Variants in SND1 observed in about 807,000 individuals in gnomAD.
SND1 encodes staphylococcal nuclease and tudor domain containing 1.
A neutral mutation model predicts 121.7 loss-of-function variants in SND1; 38 were observed. That is an observed-to-expected ratio of 0.31 (90% CI 0.24 to 0.41). The LOEUF is 0.41. SND1 is among the 10% of genes least tolerant of loss of function. The pLI, the probability that SND1 is intolerant of heterozygous loss-of-function variation, is 1.00. For missense variants in SND1, 868 were observed against 1,184.6 expected (o/e 0.73, Z 3.92); for synonymous variants, 401 against 447.4 (o/e 0.90, Z 1.31).
intron 10 of SND1, among the ~76,000 whole-genome samples, chr7:127,753,615 C>T (rs1198258715): frequency 1.3e-5 from 2 of 152,048 alleles, no homozygotes; most frequent in African/African-American, 4.8e-5. Context: ...GTGTAGTGGA[C>T]CTTTCATTTC....
intron 10 of SND1, among the ~76,000 whole-genome samples, chr7:127,758,784 T>C (rs1046216038): frequency 2.1e-4 from 32 of 152,118 alleles, no homozygotes; most frequent in African/African-American, 7.2e-4. Flanking sequence ...CTAGGCACGG[T>C]GGCTCATGCC....
chr7:128,005,890 C>G (rs1802962136), intron 16 of SND1, among the ~76,000 whole-genome samples: 1 of 152,176 alleles, frequency 6.6e-6, no homozygotes, highest in African/African-American at 2.4e-5. Context: ...AAGTCCCCAC[C>G]CCCAGCCCCC....
intron 16 of SND1, among the ~76,000 whole-genome samples, chr7:128,034,167 C>T (rs1427074251): frequency 6.6e-6 from 1 of 152,122 alleles, no homozygotes; most frequent in African/African-American, 2.4e-5. Flanking sequence ...GTCTACTCTT[C>T]ATAGAGTAAA....
intron 9 of SND1, among the ~76,000 whole-genome samples, chr7:127,710,785 G>C (rs78031647): frequency 6.6e-6 from 1 of 152,114 alleles, no homozygotes; most frequent in Non-Finnish European, 1.5e-5. Context: ...CATGGAAGAG[G>C]AGGACTTAGT....
chr7:127,800,834 T>A (rs1020334896), intron 10 of SND1, among the ~76,000 whole-genome samples: 1 of 152,192 alleles, frequency 6.6e-6, no homozygotes, highest in East Asian at 1.9e-4. Flanking sequence ...TCAGTAACCA[T>A]TGTGCATTTT....
At chr7:127,697,092 T>C (rs751896078) in intron 3 of SND1, among the ~76,000 whole-genome samples, 1 of 152,214 alleles carries the variant, frequency 6.6e-6, no homozygotes, top group Non-Finnish European at 1.5e-5. Context: ...AATTTGAGAC[T>C]TTGTGGTTAA....
rs900708815 is a variant in SND1, at chr7:127,907,703, T to C, written c.1527+2884T>C. 5.8e-4 allele frequency among the ~76,000 whole-genome samples: 88 copies of C among 152,312 alleles called. 1 individual carries two copies. Among genetic ancestry groups the C allele is most frequent in the African/African-American group, 1.9e-3 (77 of 41,584 alleles). On this transcript the variant is annotated intron_variant, in intron 14 of 23. Coordinates refer to ENST00000354725, the MANE Select transcript of SND1 (RefSeq NM_014390.4). ...TGCACATTCTGTCTCCTAAACACTC[T>C]TAAGAAATGTGTTGTATGGAAGAGA...
At chr7:127,772,205 A>G (rs1797524114) in intron 10 of SND1, among the ~76,000 whole-genome samples, 1 of 152,190 alleles carries the variant, frequency 6.6e-6, no homozygotes, top group Non-Finnish European at 1.5e-5. Flanking sequence ...CTTGAATCTT[A>G]CAGGCTTAGA....
At chr7:127,951,159 C>G (rs905171168) in intron 15 of SND1, among the ~76,000 whole-genome samples, 1 of 152,162 alleles carries the variant, frequency 6.6e-6, no homozygotes, top group Non-Finnish European at 1.5e-5. Context: ...CAAGATAATT[C>G]AAACAACCTA....
At chr7:127,776,503 G>A (rs1205329491) in intron 10 of SND1, among the ~76,000 whole-genome samples, 1 of 151,910 alleles carries the variant, frequency 6.6e-6, no homozygotes, top group African/African-American at 2.4e-5. Flanking sequence ...CTTTAAAATA[G>A]AATATAGAAA....
In SND1 at chr7:127,783,166, G is replaced by A. The variant is rs532559446; in HGVS notation, c.1153-24318G>A. 1.2e-3 allele frequency among the ~76,000 whole-genome samples: 185 copies of A among 152,250 alleles called. 1 individual carries two copies. The highest frequency in any genetic ancestry group is 4.4e-3 in the African/African-American group (182 of 41,536). ...TCTAGTGTGGCACCCCTTTTCATTT[G>A]GGTATGTAGAGCCATGGTTACTGTT... On this transcript the variant is annotated intron_variant, in intron 10 of 23. Transcript: ENST00000354725.
At chr7:127,837,944 G>C (rs1384601951) in intron 11 of SND1, among the ~76,000 whole-genome samples, 1 of 152,200 alleles carries the variant, frequency 6.6e-6, no homozygotes, top group Non-Finnish European at 1.5e-5. Flanking sequence ...GTAATGGTGA[G>C]AGCACACTTC....
chr7:127,772,470 C>T (rs1462946297), intron 10 of SND1, among the ~76,000 whole-genome samples: 4 of 152,150 alleles, frequency 2.6e-5, no homozygotes, highest in Non-Finnish European at 5.9e-5. Context: ...GTGATTTGTT[C>T]CCTTATACAT....
At chr7:127,868,583 A>G (rs1167545107) in intron 12 of SND1, among the ~76,000 whole-genome samples, 1 of 152,186 alleles carries the variant, frequency 6.6e-6, no homozygotes, top group Admixed American at 6.5e-5. Flanking sequence ...CTTCTGTGGC[A>G]TCATTTAGAG....
At chr7:127,700,233 A>G (rs1350977207) in intron 4 of SND1, among the ~76,000 whole-genome samples, 1 of 152,168 alleles carries the variant, frequency 6.6e-6, no homozygotes, top group African/African-American at 2.4e-5. Flanking sequence ...TTTGACTTCA[A>G]GTCACTTTTT....
rs34235946 is a variant in SND1, at chr7:127,857,359, ATTTTTTTTTTTT to A, written c.1343+12947_1343+12958del. Among the ~76,000 whole-genome samples, 16 of 113,132 alleles carry A rather than the reference ATTTTTTTTTTTT, an allele frequency of 1.4e-4. No individual in the cohort carries two copies. The East Asian group carries it at 3.5e-3, about 25-fold the overall frequency. 74.2% of individuals were successfully genotyped at this position (113,132 alleles called of 152,430 possible). A position where few individuals can be genotyped will look rare whatever the true frequency, so the allele number is the denominator to read the frequency against. ...AGGCGCCCGCCACCGCCCCCGGCTA[ATTTTTTTTTTTT>A]TTTTTTTTTTTAAAGCAGAGACGGG... On this transcript the variant is annotated intron_variant, in intron 12 of 23. Transcript: ENST00000354725.
At position 127,845,714 on chromosome 7, in the gene SND1, G is replaced by T. The variant is rs140270897; in HGVS notation, c.1343+1290G>T. On this transcript the variant is annotated intron_variant, in intron 12 of 23. Coordinates refer to ENST00000354725, the MANE Select transcript of SND1 (RefSeq NM_014390.4). ...GATACTGCTGCTTTTAAGTACTGGT[G>T]AAAACAACTTCACTGTTGTACAAAA... Among the ~76,000 whole-genome samples, 87 of 152,276 alleles carry T rather than the reference G, an allele frequency of 5.7e-4. 1 individual carries two copies. Among genetic ancestry groups the T allele is most frequent in the African/African-American group, 1.8e-3 (76 of 41,536 alleles).
chr7:128,063,054 G>A (rs1320556267), intron 16 of SND1, among the ~76,000 whole-genome samples: 1 of 152,158 alleles, frequency 6.6e-6, no homozygotes, highest in East Asian at 1.9e-4. Flanking sequence ...GGCTCCGGGG[G>A]TCCAGGCTTC....
chr7:127,904,746 G>GATTGTGATAAGGTTGGATCT lies in SND1; in HGVS notation c.1455_1456insTTGTGATAAGGTTGGATCTA (p.Ala486LeufsTer2). 6.2e-7 allele frequency: 1 copy of GATTGTGATAAGGTTGGATCT among 1,602,488 alleles called. No homozygotes were observed. Among genetic ancestry groups the GATTGTGATAAGGTTGGATCT allele is most frequent in the Non-Finnish European group, 8.5e-7 (1 of 1,169,680 alleles). On this transcript the variant is annotated stop_gained and frameshift_variant and splice_region_variant. Transcript: ENST00000354725. LOFTEE classifies it high-confidence loss of function. ...TCGGTTTTTCTCTTCTTCCTTAACA[G>GATTGTGATAAGGTTGGATCT]AGCTATTAAGAATGGCAAAGGATTG...
Sources: gnomAD v4.1 joint callset for allele counts (sites outside exome capture counted in the v4.1 genomes callset) on GRCh38, gnomAD v4.1.1 for gene constraint, MANE v1.5 for transcripts, NCBI Gene and HGNC (gene_info 2026-07-23, HGNC 2026-07-21) for gene names.